The following FRK variants were observed in gnomAD, a reference collection of about 807,000 sequenced individuals.
FRK encodes the protein tyrosine-protein kinase FRK.
FRK carries 51 observed loss-of-function variants against 56.4 expected under a neutral mutation model. That is an observed-to-expected ratio of 0.90 (90% CI 0.72 to 1.14). The LOEUF (loss-of-function observed/expected upper bound fraction) is 1.14. Ranked by LOEUF, FRK falls within the 50% of genes most tolerant of loss-of-function variation. The pLI is 0.00. For missense variants in FRK, 570 were observed against 601.4 expected (o/e 0.95, Z 0.55); for synonymous variants, 245 against 217.9 (o/e 1.12, Z -1.10).
intron 1 of FRK, among the ~76,000 whole-genome samples, chr6:116,041,204 T>C (rs543282307): frequency 2.6e-4 from 40 of 152,360 alleles, no homozygotes; most frequent in African/African-American, 9.1e-4. Context: ...TGTTTTGCTA[T>C]AAACTATTGC....
the FRK span, among the ~76,000 whole-genome samples, chr6:116,086,416 AAG>A: frequency 6.6e-6 from 1 of 152,200 alleles, no homozygotes; most frequent in Non-Finnish European, 1.5e-5. Context: ...TTTAAAAAGT[AAG>A]TGCTGCTGGG....
At chr6:115,992,213 G>A (rs561487152) in intron 2 of FRK, among the ~76,000 whole-genome samples, 1 of 151,688 alleles carries the variant, frequency 6.6e-6, no homozygotes, top group Non-Finnish European at 1.5e-5. Context: ...CAAATTCTGT[G>A]CCACTATTTT....
At chr6:115,950,890 A>G (rs1025362858) in intron 5 of FRK, among the ~76,000 whole-genome samples, 3 of 152,208 alleles carry the variant, frequency 2.0e-5, no homozygotes, top group Non-Finnish European at 4.4e-5. Flanking sequence ...GAAGCTGGAA[A>G]CCATCATTCT....
At chr6:116,044,496 C>A (rs1182272345) in intron 1 of FRK, among the ~76,000 whole-genome samples, 1 of 152,206 alleles carries the variant, frequency 6.6e-6, no homozygotes, top group Non-Finnish European at 1.5e-5. Context: ...ATGATTATCT[C>A]AATATATGCA....
intron 1 of FRK, among the ~76,000 whole-genome samples, chr6:116,043,685 C>T (rs545852332): frequency 6.5e-4 from 99 of 151,758 alleles, no homozygotes; most frequent in Middle Eastern, 3.4e-3. Context: ...GTATTAGAGA[C>T]GCAAGAGCAA....
intron 2 of FRK, 30 bp from the exon 3 acceptor site, chr6:115,968,769 A>G: frequency 6.3e-7 from 1 of 1,596,962 alleles, no homozygotes; most frequent in Non-Finnish European, 8.6e-7. Flanking sequence ...CTGTTAATAA[A>G]CTTCTTGCTA....
intron 2 of FRK, among the ~76,000 whole-genome samples, chr6:116,001,453 A>C (rs1455595963): frequency 6.6e-6 from 1 of 152,186 alleles, no homozygotes; most frequent in Non-Finnish European, 1.5e-5. Flanking sequence ...ACTGGTCCTA[A>C]ATTTAAAATA....
At chr6:116,014,769 A>G (rs1775588048) in intron 1 of FRK, among the ~76,000 whole-genome samples, 1 of 152,198 alleles carries the variant, frequency 6.6e-6, no homozygotes, top group Non-Finnish European at 1.5e-5. Flanking sequence ...TTCTTTAAAA[A>G]TTGTTTCACA....
intron 1 of FRK, among the ~76,000 whole-genome samples, chr6:116,018,195 G>GT (rs1408310427): frequency 9.2e-5 from 14 of 152,284 alleles, no homozygotes; most frequent in Non-Finnish European, 1.6e-4. Flanking sequence ...ATGCAAAGCA[G>GT]TTTGATTTCC....
chr6:116,002,549 G>A (rs887480267), intron 2 of FRK: 23 of 336,718 alleles, frequency 6.8e-5, no homozygotes, highest in African/African-American at 2.6e-4. Flanking sequence ...CCCGGGAGGC[G>A]GAAGTTGCAG....
At chr6:115,991,790 GAGTT>G (rs1434277637) in intron 2 of FRK, among the ~76,000 whole-genome samples, 7 of 151,628 alleles carry the variant, frequency 4.6e-5, no homozygotes. Context: ...TTTGTAGAAT[GAGTT>G]AGAGAGGAAT....
chr6:115,958,716 A>T (rs1176708464), intron 4 of FRK, among the ~76,000 whole-genome samples: 1 of 20,266 alleles, frequency 4.9e-5, no homozygotes, highest in African/African-American at 2.0e-4. Flanking sequence ...AGAAAGAAAG[A>T]AAGAAAGAAA....
chr6:116,024,967 G>A (rs1196422061), intron 1 of FRK, among the ~76,000 whole-genome samples: 2 of 152,086 alleles, frequency 1.3e-5, no homozygotes, highest in African/African-American at 2.4e-5. Context: ...TCTAACTGGT[G>A]TGAGATGATA....
rs183841815 is a variant in FRK at position 115,937,568 on chromosome 6, T to A, written c.*4846A>T. Reference sequence around the variant, plus strand: ...CTCAAGACCCATCAGTGTGCTGTATTCAGGAGACCCATCTCACATGCAAAG... The same window carrying A: ...CTCAAGACCCATCAGTGTGCTGTATACAGGAGACCCATCTCACATGCAAAG... On this transcript the variant is annotated 3_prime_UTR_variant, in exon 8 of 8. Transcript: ENST00000606080. The A allele has an allele frequency of 3.3e-5, 5 of 152,154 alleles. No individual in the cohort carries two copies. The East Asian group carries it at 9.7e-4, about 29-fold the overall frequency. The allele number at this position is 152,154 out of a possible 1,614,324, so 9.4% of individuals were successfully genotyped here.
At chr6:116,020,300 T>G (rs543128292) in intron 1 of FRK, among the ~76,000 whole-genome samples, 1 of 152,216 alleles carries the variant, frequency 6.6e-6, no homozygotes, top group Non-Finnish European at 1.5e-5. Context: ...TTTTTTTTGT[T>G]TTTTGTTTTT....
chr6:116,018,687 C>T (rs1198537115), intron 1 of FRK, among the ~76,000 whole-genome samples: 1 of 152,048 alleles, frequency 6.6e-6, no homozygotes, highest in Non-Finnish European at 1.5e-5. Context: ...TATTCCCTGC[C>T]TCAATGACTG....
intron 4 of FRK, among the ~76,000 whole-genome samples, chr6:115,959,025 T>C (rs1462876585): frequency 1.3e-5 from 2 of 152,146 alleles, no homozygotes; most frequent in African/African-American, 2.4e-5. Flanking sequence ...AGAGCACTCC[T>C]TCATGGCCAT....
At chr6:115,967,939 C>T (rs1335066411) in intron 3 of FRK, among the ~76,000 whole-genome samples, 2 of 152,080 alleles carry the variant, frequency 1.3e-5, no homozygotes, top group Non-Finnish European at 1.5e-5. Context: ...TCAGGCACCT[C>T]GTTGTCTACC....
intron 2 of FRK, among the ~76,000 whole-genome samples, chr6:115,969,051 A>C (rs932664490): frequency 1.3e-5 from 2 of 152,196 alleles, no homozygotes; most frequent in African/African-American, 4.8e-5. Context: ...TCACTCTAGC[A>C]ATGCAAAGAA....
Sources: gnomAD v4.1 joint callset for allele counts (sites outside exome capture counted in the v4.1 genomes callset) on GRCh38, gnomAD v4.1.1 for gene constraint, MANE v1.5 for transcripts, NCBI Gene and HGNC (gene_info 2026-07-23, HGNC 2026-07-21) for gene names.